Variants in AIDA observed in about 807,000 individuals in gnomAD.
AIDA encodes axin interactor, dorsalization-associated protein.
In AIDA, 18 loss-of-function variants were observed where a neutral mutation model predicts 42.7. The ratio of observed to expected loss-of-function variants is 0.42; its 90% confidence interval spans 0.29 to 0.63. The LOEUF (loss-of-function observed/expected upper bound fraction) is 0.63. Among genes scored for constraint, AIDA ranks in the 20% least tolerant of loss-of-function variants. AIDA has a pLI of 0.19. For synonymous variants in AIDA, 104 were observed against 122.9 expected (o/e 0.85, Z 1.02); for missense variants, 250 against 354.1 (o/e 0.71, Z 2.36).
chr1:222,680,739 T>G (rs531497224), intron 6 of AIDA, among the ~76,000 whole-genome samples: 12 of 151,692 alleles, frequency 7.9e-5, no homozygotes, highest in African/African-American at 2.9e-4. Flanking sequence ...TATTTTGATA[T>G]CCTAATGGCC....
At chr1:222,670,354 T>A (rs1664424343) in intron 8 of AIDA, 104 bp from the exon 9 acceptor site, 1 of 887,152 alleles carries the variant, frequency 1.1e-6, no homozygotes. Context: ...ACAGCTGGCA[T>A]AATTTGACAA....
intron 2 of AIDA, among the ~76,000 whole-genome samples, chr1:222,701,392 TGATTAAA>T (rs1655700185): frequency 2.0e-5 from 3 of 152,186 alleles, no homozygotes; most frequent in Admixed American, 6.5e-5. Context: ...CTCAAACAGG[TGATTAAA>T]GATTAAACAT....
chr1:222,704,214 T>A (rs979662509), intron 1 of AIDA, among the ~76,000 whole-genome samples: 1 of 152,182 alleles, frequency 6.6e-6, no homozygotes, highest in East Asian at 1.9e-4. Context: ...AACCCTCAGA[T>A]ATTGCTGGTG....
chr1:222,705,632 C>T (rs1161261814), intron 1 of AIDA, among the ~76,000 whole-genome samples: 1 of 152,118 alleles, frequency 6.6e-6, no homozygotes, highest in Non-Finnish European at 1.5e-5. Context: ...ACCTGTAATC[C>T]CAGCACTTTG....
chr1:222,676,412 C>T (rs758433058), intron 6 of AIDA, among the ~76,000 whole-genome samples, 194 bp from the exon 7 acceptor site: 4 of 152,138 alleles, frequency 2.6e-5, no homozygotes, highest in African/African-American at 4.8e-5. Flanking sequence ...TCTGCACTTC[C>T]ATGTCTCATA....
At chr1:222,694,683 G>T (rs1456591669) in intron 2 of AIDA, among the ~76,000 whole-genome samples, 1 of 152,264 alleles carries the variant, frequency 6.6e-6, no homozygotes, top group Non-Finnish European at 1.5e-5. Flanking sequence ...ACACCAACTT[G>T]TTTAATATAT....
intron 2 of AIDA, among the ~76,000 whole-genome samples, chr1:222,702,074 C>CAAAATAAATAAA (rs1655724992): frequency 6.6e-6 from 1 of 151,322 alleles, no homozygotes; most frequent in Admixed American, 6.6e-5. Context: ...TTTTTAAATA[C>CAAAATAAATAAA]AAAATAAAAA....
intron 2 of AIDA, among the ~76,000 whole-genome samples, chr1:222,694,786 T>C (rs1008453501): frequency 6.6e-6 from 1 of 152,252 alleles, no homozygotes; most frequent in South Asian, 2.1e-4. Flanking sequence ...AAAATGGATA[T>C]TAATGATAGG....
intron 6 of AIDA, 62 bp from the exon 7 acceptor site, chr1:222,676,280 CACA>C: frequency 6.6e-7 from 1 of 1,517,236 alleles, no homozygotes; most frequent in Non-Finnish European, 8.8e-7. Context: ...TTTTAATGAA[CACA>C]GAGAAGATAC....
chr1:222,677,191 T>C (rs1198956427), intron 6 of AIDA, among the ~76,000 whole-genome samples: 4 of 152,158 alleles, frequency 2.6e-5, no homozygotes, highest in African/African-American at 9.6e-5. Flanking sequence ...TTCTGAGCAC[T>C]TATTGCTTAT....
intron 1 of AIDA, among the ~76,000 whole-genome samples, chr1:222,703,563 A>C (rs1655766429): frequency 6.6e-6 from 1 of 152,186 alleles, no homozygotes; most frequent in Admixed American, 6.5e-5. Context: ...GATTCTGCTT[A>C]AACACTTCCA....
Position 222,682,002 on chromosome 1 carries a change from G to T in AIDA, c.460+4928C>A, listed in dbSNP as rs1488063009. Among the ~76,000 whole-genome samples, 7 of 152,326 alleles carry T rather than the reference G, an allele frequency of 4.6e-5. No homozygotes were observed. The East Asian group carries it at 1.2e-3, about 25-fold the overall frequency. On this transcript the variant is annotated intron_variant, in intron 6 of 9. Transcript: ENST00000340020. ...CTCACATTGACTAGTTCTGTGTGTG[G>T]CCAAAGGCACTCTGGACAATGGAGA...
At chr1:222,699,540 T>A (rs1655623188) in intron 2 of AIDA, among the ~76,000 whole-genome samples, 1 of 152,202 alleles carries the variant, frequency 6.6e-6, no homozygotes, top group Non-Finnish European at 1.5e-5. Context: ...CGTACACATG[T>A]GCATACTAAA....
At chr1:222,679,119 G>A (rs961493888) in intron 6 of AIDA, among the ~76,000 whole-genome samples, 2 of 152,112 alleles carry the variant, frequency 1.3e-5, no homozygotes, top group African/African-American at 4.8e-5. Flanking sequence ...ATATATCAAT[G>A]TACTGCCTTA....
chr1:222,695,923 T>C (rs1655507156), intron 2 of AIDA, among the ~76,000 whole-genome samples: 1 of 152,180 alleles, frequency 6.6e-6, no homozygotes, highest in Non-Finnish European at 1.5e-5. Flanking sequence ...AAGGAGCAAA[T>C]TGGAGTAACA....
intron 5 of AIDA, among the ~76,000 whole-genome samples, 167 bp downstream of exon 5, chr1:222,687,428 C>G (rs1655230333): frequency 6.6e-6 from 1 of 151,728 alleles, no homozygotes; most frequent in South Asian, 2.1e-4. Flanking sequence ...AAGACTCCAT[C>G]TCAAAAAAAT....
At chr1:222,670,108 C>G (rs761537387) in intron 9 of AIDA, 25 bp downstream of exon 9, 1 of 1,610,330 alleles carries the variant, frequency 6.2e-7, no homozygotes, top group South Asian at 1.1e-5. Context: ...CAAATTAGTA[C>G]TAATTCTATA....
intron 6 of AIDA, among the ~76,000 whole-genome samples, chr1:222,686,426 A>G (rs1451687909): frequency 1.3e-5 from 2 of 152,166 alleles, no homozygotes; most frequent in Non-Finnish European, 2.9e-5. Flanking sequence ...GGCAGAAGGT[A>G]CCCACATAAT....
At chr1:222,706,938 A>G (rs913299976) in intron 1 of AIDA, among the ~76,000 whole-genome samples, 2 of 151,978 alleles carry the variant, frequency 1.3e-5, no homozygotes, top group Non-Finnish European at 2.9e-5. Context: ...CTATAGAGAC[A>G]AAATGTAGAT....
Sources: allele counts gnomAD v4.1 joint callset (sites outside exome capture counted in the v4.1 genomes callset), GRCh38; gene constraint gnomAD v4.1.1; transcripts MANE v1.5; gene names NCBI Gene and HGNC (gene_info 2026-07-23, HGNC 2026-07-21).